The following SGCZ variants were observed in gnomAD, a reference collection of about 807,000 sequenced individuals.
SGCZ encodes the protein sarcoglycan zeta.
Under a neutral mutation model 41.3 loss-of-function variants are expected in SGCZ, and 40 were observed. The observed-to-expected ratio is 0.97, with a 90% confidence interval of 0.75 to 1.26. The LOEUF is 1.26. Ranked by LOEUF, SGCZ falls within the 50% of genes most tolerant of loss-of-function variation. The pLI is 0.00. For synonymous variants in SGCZ, 206 were observed against 137.5 expected (o/e 1.50, Z -3.49); for missense variants, 552 against 369.8 (o/e 1.49, Z -4.04).
intron 1 of SGCZ, among the ~76,000 whole-genome samples, chr8:14,757,637 A>G (rs1370866852): frequency 6.6e-6 from 1 of 152,204 alleles, no homozygotes; most frequent in Non-Finnish European, 1.5e-5. Flanking sequence ...GGGTAGCATG[A>G]TAGAGAAAAG....
intron 1 of SGCZ, among the ~76,000 whole-genome samples, chr8:14,936,193 A>C (rs1800076456): frequency 2.6e-5 from 4 of 152,040 alleles, no homozygotes; most frequent in South Asian, 2.1e-4. Flanking sequence ...ACGATGTTTT[A>C]ACAAGTATAA....
chr8:14,568,180 C>T (rs1241844417), intron 1 of SGCZ, among the ~76,000 whole-genome samples: 4 of 151,706 alleles, frequency 2.6e-5, no homozygotes, highest in African/African-American at 9.7e-5. Flanking sequence ...TGGGATTCAA[C>T]AATGAAAGCA....
Position 14,614,975 on chromosome 8 carries a change from T to C in SGCZ, c.40-60049A>G, listed in dbSNP as rs971913878. 1.4e-5 allele frequency among the ~76,000 whole-genome samples: 2 copies of C among 145,086 alleles called. 1 individual carries two copies. Among genetic ancestry groups the C allele is most frequent in the East Asian group, 4.3e-4 (2 of 4,654 alleles). On this transcript the variant is annotated intron_variant, in intron 1 of 7. Transcript: ENST00000382080. ...ACATATCATTTTATATATACACATG[T>C]ACACACATATGTGTGTGTATATATG...
At chr8:14,970,537 A>G (rs1360870666) in intron 1 of SGCZ, among the ~76,000 whole-genome samples, 2 of 152,158 alleles carry the variant, frequency 1.3e-5, no homozygotes, top group Non-Finnish European at 2.9e-5. Flanking sequence ...AATAGCTAGT[A>G]ATTCCAACAC....
chr8:14,625,064 A>G (rs1260879525), intron 1 of SGCZ, among the ~76,000 whole-genome samples: 1 of 152,150 alleles, frequency 6.6e-6, no homozygotes, highest in Non-Finnish European at 1.5e-5. Context: ...GTCTTAATAA[A>G]CATACATGTT....
intron 1 of SGCZ, among the ~76,000 whole-genome samples, chr8:14,785,296 C>A (rs982457085): frequency 6.6e-6 from 1 of 151,858 alleles, no homozygotes; most frequent in African/African-American, 2.4e-5. Flanking sequence ...AAAAAGTTGT[C>A]CTTTCTCAAC....
intron 1 of SGCZ, among the ~76,000 whole-genome samples, chr8:14,905,714 A>G (rs924115178): frequency 1.3e-5 from 2 of 152,120 alleles, no homozygotes; most frequent in Admixed American, 1.3e-4. Context: ...AGATATACAT[A>G]GGTAAAGATG....
rs147752691 is a variant in SGCZ at position 14,846,607 on chromosome 8, AC to A, written c.40-291682del. 8.0e-3 allele frequency among the ~76,000 whole-genome samples: 1,214 copies of A among 151,906 alleles called. 19 individuals are homozygous for A. Among genetic ancestry groups the A allele is most frequent in the African/African-American group, 0.028 (1,155 of 41,432 alleles). On this transcript the variant is annotated intron_variant, in intron 1 of 7. Coordinates refer to ENST00000382080, the MANE Select transcript of SGCZ (RefSeq NM_139167.4). ...GAAATGGTCAGATCTCTTTAAAAAT[AC>A]ATACTACTTAAAAATCCCTCCAGAA...
At chr8:14,669,519 C>G (rs1808032853) in intron 1 of SGCZ, among the ~76,000 whole-genome samples, 1 of 152,124 alleles carries the variant, frequency 6.6e-6, no homozygotes, top group Admixed American at 6.6e-5. Flanking sequence ...CTTCTACTCT[C>G]TATTTCTATG....
chr8:14,536,153 G>T (rs1409113141), intron 2 of SGCZ, among the ~76,000 whole-genome samples: 1 of 151,766 alleles, frequency 6.6e-6, no homozygotes, highest in Admixed American at 6.6e-5. Context: ...AAAGTATTTT[G>T]AAGTATATCA....
At chr8:15,043,796 T>C (rs1365806394) in intron 1 of SGCZ, among the ~76,000 whole-genome samples, 1 of 152,140 alleles carries the variant, frequency 6.6e-6, no homozygotes, top group Non-Finnish European at 1.5e-5. Flanking sequence ...AATCATTTTC[T>C]AAACGTTTTC....
chr8:14,350,600 C>G (rs1803054935), intron 2 of SGCZ, among the ~76,000 whole-genome samples: 1 of 152,024 alleles, frequency 6.6e-6, no homozygotes, highest in African/African-American at 2.4e-5. Context: ...GGTTCTGGCC[C>G]TGTCGCCTCT....
intron 2 of SGCZ, among the ~76,000 whole-genome samples, chr8:14,516,248 A>C (rs2117088538): frequency 6.6e-6 from 1 of 152,068 alleles, no homozygotes; most frequent in South Asian, 2.1e-4. Flanking sequence ...ACAACAAGCT[A>C]TTAATCGCAG....
chr8:14,172,710 T>C (rs563798735), intron 4 of SGCZ, among the ~76,000 whole-genome samples: 7 of 152,168 alleles, frequency 4.6e-5, no homozygotes, highest in African/African-American at 1.4e-4. Context: ...TACAGGGAAA[T>C]AGAGCCCATC....
intron 1 of SGCZ, among the ~76,000 whole-genome samples, chr8:15,038,384 G>A (rs1289132464): frequency 6.6e-6 from 1 of 151,976 alleles, no homozygotes; most frequent in Non-Finnish European, 1.5e-5. Flanking sequence ...AAATGATGTT[G>A]TGATGACTGA....
At chr8:15,070,284 T>A (rs984943634) in intron 1 of SGCZ, among the ~76,000 whole-genome samples, 3 of 152,192 alleles carry the variant, frequency 2.0e-5, no homozygotes, top group Non-Finnish European at 4.4e-5. Context: ...CATTTTACCA[T>A]GAGAGCTCAT....
chr8:15,110,714 A>C (rs1807014704), intron 1 of SGCZ, among the ~76,000 whole-genome samples: 1 of 152,160 alleles, frequency 6.6e-6, no homozygotes, highest in Non-Finnish European at 1.5e-5. Flanking sequence ...CACTCCTGTA[A>C]TCCCAGCACT....
rs1373671524 is a variant in SGCZ, at chr8:14,635,388, T to C, written c.40-80462A>G. On this transcript the variant is annotated intron_variant, in intron 1 of 7. Coordinates refer to ENST00000382080, the MANE Select transcript of SGCZ (RefSeq NM_139167.4). ...AATGATCTCACTTAATCTATTATTC[T>C]TCAACTTATAAAATAAAAAATCTCC... Among the ~76,000 whole-genome samples, 41 of 151,830 alleles carry C rather than the reference T, an allele frequency of 2.7e-4. No homozygotes were observed. The Admixed American group carries it at 2.7e-3, about 10-fold the overall frequency.
chr8:15,140,779 T>C (rs931197368), intron 1 of SGCZ, among the ~76,000 whole-genome samples: 14 of 152,216 alleles, frequency 9.2e-5, no homozygotes, highest in African/African-American at 3.4e-4. Flanking sequence ...AGCTCAGTTA[T>C]CCTGCTCATT....
Sources: gnomAD v4.1 joint callset for allele counts (sites outside exome capture counted in the v4.1 genomes callset) on GRCh38, gnomAD v4.1.1 for gene constraint, MANE v1.5 for transcripts, NCBI Gene and HGNC (gene_info 2026-07-23, HGNC 2026-07-21) for gene names.